GLS: variants seen among roughly 807,000 people sequenced by gnomAD.
The protein encoded by GLS is glutaminase, also known as glutaminase kidney isoform, mitochondrial.
Under a neutral mutation model 86.7 loss-of-function variants are expected in GLS, and 36 were observed. The observed-to-expected ratio is 0.42, with a 90% CI of 0.32 to 0.55. GLS has a LOEUF of 0.55. Ranked by LOEUF, GLS falls within the 20% of genes least tolerant of loss-of-function variation. GLS has a pLI of 0.17. For synonymous variants in GLS, 317 were observed against 305.9 expected, an observed-to-expected ratio of 1.04 and a Z score of -0.38; for missense variants, 528 against 833.4, an observed-to-expected ratio of 0.63 and a Z score of 4.51.
intron 1 of GLS, among the ~76,000 whole-genome samples, chr2:190,894,673 A>G (rs1688669407): frequency 6.6e-6 from 1 of 152,230 alleles, no homozygotes; most frequent in African/African-American, 2.4e-5. Context: ...ACTTGATCTT[A>G]ACTACTGTGT....
Position 190,938,943 on chromosome 2 carries a change from A to G in GLS, c.1650+7306A>G, listed in dbSNP as rs986741632. Reference sequence around the variant, plus strand: ...TGAAAGAAAACTGTAGCAGAAATGTAAATCTAAAAATAAATGTTACATCAC... The same window carrying G: ...TGAAAGAAAACTGTAGCAGAAATGTGAATCTAAAAATAAATGTTACATCAC... On this transcript the variant is annotated intron_variant, in intron 14 of 17. Transcript: ENST00000320717. This position sits in a 1 kb window ranked among gnomAD's most constrained non-coding sequence, Gnocchi z 4.1. 6.6e-6 allele frequency among the ~76,000 whole-genome samples: 1 copy of G among 151,804 alleles called. No homozygotes were observed. The highest frequency in any genetic ancestry group is 2.4e-5 in the African/African-American group (1 of 41,456).
intron 14 of GLS, among the ~76,000 whole-genome samples, chr2:190,948,235 AATACCAAACTTCC>A (rs1690628252): frequency 6.6e-6 from 1 of 152,208 alleles, no homozygotes; most frequent in Non-Finnish European, 1.5e-5. Flanking sequence ...TCATGGGAAG[AATACCAAACTTCC>A]ATGTTAGTCT....
In GLS at chr2:190,956,090, T is replaced by C. The variant is rs1339926005; in HGVS notation, c.1853+1272T>C. ...GTAGGTTGCCTGTTCGCCCTGATGA[T>C]AGTTTCTTTTGCTGTGCAGAAGCTC... On this transcript the variant is annotated intron_variant, in intron 17 of 17. Coordinates refer to ENST00000320717, the MANE Select transcript of GLS (RefSeq NM_014905.5). The surrounding 1 kb of genome is among the most constrained non-coding windows in gnomAD (Gnocchi z 4.2). 1.3e-5 allele frequency among the ~76,000 whole-genome samples: 2 copies of C among 152,236 alleles called. No individual in the cohort carries two copies. The highest frequency in any genetic ancestry group is 1.5e-5 in the Non-Finnish European group (1 of 68,050).
intron 1 of GLS, among the ~76,000 whole-genome samples, chr2:190,892,760 A>G (rs1480790703): frequency 6.6e-6 from 1 of 152,194 alleles, no homozygotes; most frequent in Non-Finnish European, 1.5e-5. Flanking sequence ...TGAAATAGGT[A>G]GTAATTTCTT....
chr2:190,927,271 A>C (rs1689929192), intron 11 of GLS, 35 bp from the exon 12 acceptor site: 15 of 1,497,452 alleles, frequency 1.0e-5, no homozygotes, highest in Non-Finnish European at 1.4e-5. Context: ...TAATATTAAA[A>C]GTAGTATGAG....
At position 190,963,648 on chromosome 2, in the gene GLS, A is replaced by G. The variant is rs1479866355; in HGVS notation, c.*662A>G. 1.3e-5 allele frequency: 2 copies of G among 152,618 alleles called. No homozygotes were observed. Among genetic ancestry groups the G allele is most frequent in the South Asian group, 2.1e-4 (1 of 4,832 alleles). 9.5% of individuals were successfully genotyped at this position (152,618 alleles called of 1,614,324 possible). On this transcript the variant is annotated 3_prime_UTR_variant, in exon 18 of 18. Coordinates refer to ENST00000320717, the MANE Select transcript of GLS (RefSeq NM_014905.5). ...GCTTTTGAAAAATTTTCCTTTTTCT[A>G]TATCCCCTTAGTCCAGCCTCTCTTC... is the stretch of plus-strand genomic sequence containing the variant.
At position 190,910,329 on chromosome 2, in the gene GLS, G is replaced by A. The variant is rs775815022; in HGVS notation, c.1038+8G>A. ...GTGACTTCACTAATAAAGGTAAAAT[G>A]TTGATGTTTCATTTTAACCTAGTAA... On this transcript the variant is annotated splice_region_variant and intron_variant, in intron 7 of 17. Coordinates refer to ENST00000320717, the MANE Select transcript of GLS (RefSeq NM_014905.5). The A allele has an allele frequency of 6.6e-7, 1 of 1,516,866 alleles. No homozygotes were observed. The highest frequency in any genetic ancestry group is 9.1e-7 in the Non-Finnish European group (1 of 1,101,082). The allele number at this position is 1,516,866 out of a possible 1,614,324, so 94.0% of individuals were successfully genotyped here. A position where few individuals can be genotyped will look rare whatever the true frequency, so the allele number is the denominator to read the frequency against.
In GLS at chr2:190,881,197, C is replaced by G. The variant is rs991162069; in HGVS notation, c.113C>G (p.Pro38Arg). ...AQPLVTLCRRPRGGGRPAAGP... is the reference protein window; with the variant it reads ...AQPLVTLCRRRRGGGRPAAGP... ...CCCTTGGTCACCCTGTGCCGGCGTC[C>G]CCGAGGCGGGGGACGGCCGGCCGCG... Residue 38 changes from proline to arginine, a missense_variant, in exon 1 of 18, where the codon CCC (proline) becomes CGC (arginine). This residue lies in a region of GLS where 224 missense variants were observed against 187.9 expected (regional missense o/e 1.19). Transcript: ENST00000320717. 1 of 1,295,434 alleles carries G rather than the reference C, an allele frequency of 7.7e-7. No homozygotes were observed. The highest frequency in any genetic ancestry group is 4.0e-5 in the Admixed American group (1 of 25,148). The allele number at this position is 1,295,434 out of a possible 1,614,324, so 80.2% of individuals were successfully genotyped here.
chr2:190,928,402 T>C (rs1365133716), intron 12 of GLS, among the ~76,000 whole-genome samples: 1 of 151,592 alleles, frequency 6.6e-6, no homozygotes, highest in Non-Finnish European at 1.5e-5. Context: ...TGGCACGATC[T>C]TGGCTCACTG....
chr2:190,912,979 A>G (rs1439896999), intron 7 of GLS, among the ~76,000 whole-genome samples: 4 of 152,132 alleles, frequency 2.6e-5, no homozygotes, highest in Non-Finnish European at 5.9e-5. Flanking sequence ...ATATTTCACC[A>G]TGGCTACTAG....
At chr2:190,950,741 A>C (rs572614589) in intron 14 of GLS, among the ~76,000 whole-genome samples, 2 of 152,314 alleles carry the variant, frequency 1.3e-5, no homozygotes, top group Admixed American at 1.3e-4. Flanking sequence ...TGCATAAGTG[A>C]ATGCAGCAGC....
chr2:190,963,159 A>T lies in GLS; in HGVS notation c.*173A>T. 4.1e-6 allele frequency: 2 copies of T among 482,088 alleles called. No individual in the cohort carries two copies. The highest frequency in any genetic ancestry group is 7.9e-5 in the Admixed American group (2 of 25,210). 29.9% of individuals were successfully genotyped at this position (482,088 alleles called of 1,614,324 possible). On this transcript the variant is annotated 3_prime_UTR_variant, in exon 18 of 18. Transcript: ENST00000320717. ...ACAAATCTGATCTCTTTGGGAAAAA[A>T]TAGAAATAAAACAATCTCCCTCCAT...
chr2:190,954,837 T>G lies in GLS; in HGVS notation c.1853+19T>G. ...AGGACAGGTGAGCACTTATGTTACC[T>G]TCTAAATATGTCAGTATTTTATTAT... On this transcript the variant is annotated intron_variant, in intron 17 of 17. Transcript: ENST00000320717. The surrounding 1 kb of genome is among the most constrained non-coding windows in gnomAD (Gnocchi z 4.0). 6.7e-7 allele frequency: 1 copy of G among 1,501,624 alleles called. No homozygotes were observed. Among genetic ancestry groups the G allele is most frequent in the South Asian group, 1.2e-5 (1 of 85,536 alleles). 93.0% of individuals were successfully genotyped at this position (1,501,624 alleles called of 1,614,324 possible). A position where few individuals can be genotyped will look rare whatever the true frequency, so the allele number is the denominator to read the frequency against.
At chr2:190,901,446 G>C (rs1033217484) in intron 4 of GLS, among the ~76,000 whole-genome samples, 18 of 151,882 alleles carry the variant, frequency 1.2e-4, no homozygotes, top group Admixed American at 1.1e-3. Context: ...TTGTGTCTTG[G>C]GGGTGGCGGA....
rs1435691101 is a variant in GLS at position 190,913,176 on chromosome 2, A to G, written c.1038+2855A>G. The G allele has an allele frequency of 3.9e-6, 5 of 1,297,564 alleles. No individual in the cohort carries two copies. The highest frequency in any genetic ancestry group is 4.3e-4 in the Middle Eastern group (2 of 4,686). 80.4% of individuals were successfully genotyped at this position (1,297,564 alleles called of 1,614,324 possible). ...TTGATTTCATAATTTTGTAGTATTGATATTTTTTCCTTGTAGGATTGGTGG... is the reference window on the plus strand; with the variant it reads ...TTGATTTCATAATTTTGTAGTATTGGTATTTTTTCCTTGTAGGATTGGTGG... On this transcript the variant is annotated intron_variant, in intron 7 of 17. Transcript: ENST00000320717. This position sits in a 1 kb window ranked among gnomAD's most constrained non-coding sequence, Gnocchi z 6.1.
chr2:190,925,608 C>G (rs987089638), intron 11 of GLS, among the ~76,000 whole-genome samples: 3 of 152,144 alleles, frequency 2.0e-5, no homozygotes, highest in African/African-American at 4.8e-5. Flanking sequence ...TCTAGTTCAC[C>G]TTACATTTGC....
rs568127696 is a variant in GLS at position 190,945,079 on chromosome 2, G to A, written c.1651-8486G>A. Among the ~76,000 whole-genome samples the A allele has an allele frequency of 1.9e-3, 254 of 132,792 alleles. 3 individuals carry two copies. The highest frequency in any genetic ancestry group is 0.017 in the South Asian group (69 of 4,158). The allele number at this position is 132,792 out of a possible 152,430, so 87.1% of individuals were successfully genotyped here. On this transcript the variant is annotated intron_variant, in intron 14 of 17. Transcript: ENST00000320717. ...TTGCTTGACCCAGTAGATAGTAGTT[G>A]CAAGCACTGGCCCTGGCATCTTCCA...
chr2:190,897,121 C>T lies in GLS; in HGVS notation c.605+1396C>T, dbSNP rs915537935. 6.6e-6 allele frequency among the ~76,000 whole-genome samples: 1 copy of T among 151,886 alleles called. No homozygotes were observed. Among genetic ancestry groups the T allele is most frequent in the African/African-American group, 2.4e-5 (1 of 41,354 alleles). On this transcript the variant is annotated intron_variant, in intron 3 of 17. Coordinates refer to ENST00000320717, the MANE Select transcript of GLS (RefSeq NM_014905.5). This position sits in a 1 kb window ranked among gnomAD's most constrained non-coding sequence, Gnocchi z 4.3. ...TTGGCTCACTACAACCTCTGCCTCCCGGGTTCAAGTGATTCTCCCACCTAA... is the reference window on the plus strand; with the variant it reads ...TTGGCTCACTACAACCTCTGCCTCCTGGGTTCAAGTGATTCTCCCACCTAA...
intron 7 of GLS, among the ~76,000 whole-genome samples, chr2:190,911,614 G>T (rs1309380654): frequency 2.0e-5 from 3 of 152,014 alleles, no homozygotes; most frequent in African/African-American, 4.8e-5. Flanking sequence ...AAAAGTAAAT[G>T]GGTCCTTATA....
Sources: gnomAD v4.1 joint callset for allele counts (sites outside exome capture counted in the v4.1 genomes callset) on GRCh38, gnomAD v4.1.1 for gene constraint, gnomAD v4.1.1 regional missense constraint, Gnocchi (gnomAD v3.1) non-coding constraint, MANE v1.5 for transcripts, NCBI Gene and HGNC (gene_info 2026-07-23, HGNC 2026-07-21) for gene names.